AFF1: variants seen among roughly 807,000 people sequenced by gnomAD.
The protein encoded by AFF1 is AF4/FMR2 family member 1.
AFF1 carries 48 observed loss-of-function variants against 121.7 expected under a neutral mutation model. The ratio of observed to expected loss-of-function variants is 0.39; its 90% confidence interval spans 0.31 to 0.50. The LOEUF (loss-of-function observed/expected upper bound fraction) is 0.50, where lower values mean the gene tolerates loss of function less well. Among genes scored for constraint, AFF1 ranks in the 20% least tolerant of loss-of-function variants. AFF1 has a pLI of 0.76. For synonymous variants in AFF1, 613 were observed against 563.0 expected, an observed-to-expected ratio of 1.09 and a Z score of -1.26; for missense variants, 1,523 against 1,511.7, an observed-to-expected ratio of 1.01 and a Z score of -0.12.
intron 5 of AFF1, among the ~76,000 whole-genome samples, chr4:87,084,372 C>G (rs977068265): frequency 1.3e-4 from 20 of 151,948 alleles, no homozygotes; most frequent in African/African-American, 4.8e-4. Context: ...AACCCCGTAT[C>G]TACTAAGAAA....
intron 2 of AFF1, among the ~76,000 whole-genome samples, chr4:86,983,382 C>T (rs952370161): frequency 6.6e-6 from 1 of 151,946 alleles, no homozygotes; most frequent in Non-Finnish European, 1.5e-5. Context: ...TAAAATCAGC[C>T]GGGCATGGTG....
chr4:86,993,435 C>A (rs1724883939), intron 2 of AFF1, among the ~76,000 whole-genome samples: 1 of 152,092 alleles, frequency 6.6e-6, no homozygotes, highest in South Asian at 2.1e-4. Flanking sequence ...AAATCCTTCC[C>A]CTTTCCTGAT....
At chr4:86,950,436 C>G (rs1021883449) in intron 2 of AFF1, among the ~76,000 whole-genome samples, 1 of 152,238 alleles carries the variant, frequency 6.6e-6, no homozygotes, top group East Asian at 1.9e-4. Flanking sequence ...TCCCAAAGTG[C>G]TGGGATTACA....
Position 87,137,552 on chromosome 4 carries a change from TATCTG to T in AFF1, c.*1853_*1857del, listed in dbSNP as rs1314694713. On this transcript the variant is annotated 3_prime_UTR_variant, in exon 21 of 21. Transcript: ENST00000395146. ...AGCCAGAGAATGACAGCTGTAGTCATATCTGAGCATAAGACCTTGATGTGTGATTC... is the reference window on the plus strand; with the variant it reads ...AGCCAGAGAATGACAGCTGTAGTCATAGCATAAGACCTTGATGTGTGATTC... The T allele has an allele frequency of 2.2e-5, 5 of 230,640 alleles. No individual in the cohort carries two copies. The highest frequency in any genetic ancestry group is 1.1e-4 in the Admixed American group (2 of 17,700). 14.3% of individuals were successfully genotyped at this position (230,640 alleles called of 1,614,324 possible). A position where few individuals can be genotyped will look rare whatever the true frequency, so the allele number is the denominator to read the frequency against.
chr4:87,104,109 G>C (rs1375646996), intron 8 of AFF1, among the ~76,000 whole-genome samples: 2 of 152,100 alleles, frequency 1.3e-5, no homozygotes, highest in South Asian at 4.1e-4. Flanking sequence ...TTCTAGCCTT[G>C]AAAAAATATG....
intron 10 of AFF1, among the ~76,000 whole-genome samples, chr4:87,106,109 G>A (rs1234812645): frequency 2.6e-5 from 4 of 152,182 alleles, no homozygotes; most frequent in South Asian, 2.1e-4. Context: ...CAGGCTGGGC[G>A]TGCTAGCTCA....
intron 2 of AFF1, among the ~76,000 whole-genome samples, chr4:87,026,158 C>T (rs751970215): frequency 2.0e-5 from 3 of 150,406 alleles, no homozygotes; most frequent in Non-Finnish European, 3.0e-5. Context: ...TGAGCTGACA[C>T]CATGCCATTG....
intron 2 of AFF1, among the ~76,000 whole-genome samples, chr4:87,025,985 A>G (rs1190561844): frequency 6.6e-6 from 1 of 151,324 alleles, no homozygotes; most frequent in African/African-American, 2.4e-5. Flanking sequence ...TAGTGAGTAA[A>G]TGATTTACCC....
intron 4 of AFF1, among the ~76,000 whole-genome samples, chr4:87,073,530 C>CG (rs1407772935): frequency 1.3e-5 from 2 of 151,790 alleles, no homozygotes; most frequent in African/African-American, 4.8e-5. Context: ...TTTTAAATAA[C>CG]GATGCCAGGA....
Position 87,105,793 on chromosome 4 carries a change from A to G in AFF1, c.1339-15A>G, listed in dbSNP as rs373336104. 8.1e-6 allele frequency: 13 copies of G among 1,613,776 alleles called. No homozygotes were observed. In the African/African-American group the frequency reaches 1.5e-4, roughly 18 times the overall value. On this transcript the variant is annotated splice_polypyrimidine_tract_variant and intron_variant, in intron 9 of 20. Transcript: ENST00000395146. ...TCTTTTCCTGGTCTTTCTTCCCCTT[A>G]TTGTGAATGCCTAGACCCCAGAGAA...
chr4:87,098,986 TTA>T (rs1725149775), intron 8 of AFF1, among the ~76,000 whole-genome samples: 1 of 152,232 alleles, frequency 6.6e-6, no homozygotes, highest in African/African-American at 2.4e-5. Context: ...CTCATTCTGT[TTA>T]TTGTAATATA....
rs376882953 is a variant in AFF1 at position 87,047,196 on chromosome 4, A to C, written c.661A>C (p.Ile221Leu). Residue 221 changes from isoleucine to leucine, a missense_variant, in exon 4 of 21, where the codon ATA becomes CTA. Around this residue, in one of 5 missense-constraint regions of AFF1, gnomAD observed 369 missense variants for 367.2 expected, o/e 1.00. Coordinates refer to ENST00000395146, the MANE Select transcript of AFF1 (RefSeq NM_001166693.3). The stretch of plus-strand genomic sequence containing the variant: ...TTCCCCAGTTCCCCCTTTGTCACCT[A>C]TACATTCCAACCAGCAAACTCTTCC... ...LPSPVPPLSP[I>L]HSNQQTLPRT... 2 of 1,614,130 alleles carry C rather than the reference A, an allele frequency of 1.2e-6. No individual in the cohort carries two copies. Among genetic ancestry groups the C allele is most frequent in the Admixed American group, 3.3e-5 (2 of 60,016 alleles).
intron 2 of AFF1, among the ~76,000 whole-genome samples, chr4:86,964,475 G>A (rs2149471955): frequency 7.6e-6 from 1 of 131,020 alleles, no homozygotes; most frequent in Non-Finnish European, 1.6e-5. Flanking sequence ...CACTCTTGTT[G>A]CCCAGGCTGG....
intron 2 of AFF1, among the ~76,000 whole-genome samples, chr4:87,007,676 T>A (rs1726305469): frequency 6.6e-6 from 1 of 152,100 alleles, no homozygotes; most frequent in Non-Finnish European, 1.5e-5. Context: ...GCCCCCTTCT[T>A]CCCCCAGAAC....
chr4:87,055,772 A>T (rs1348939140), intron 4 of AFF1, among the ~76,000 whole-genome samples: 1 of 152,300 alleles, frequency 6.6e-6, no homozygotes, highest in East Asian at 1.9e-4. Context: ...AACACTCATG[A>T]GATATTTAAA....
intron 2 of AFF1, among the ~76,000 whole-genome samples, chr4:87,045,715 T>C (rs1730619642): frequency 6.6e-6 from 1 of 152,204 alleles, no homozygotes; most frequent in Admixed American, 6.5e-5. Flanking sequence ...AGCCTTTTGA[T>C]TTTAATCTTT....
At chr4:87,059,812 G>GTA (rs1720546934) in intron 4 of AFF1, among the ~76,000 whole-genome samples, 1 of 152,116 alleles carries the variant, frequency 6.6e-6, no homozygotes, top group Admixed American at 6.5e-5. Flanking sequence ...TTCTCCCTTG[G>GTA]TATCATCCTG....
chr4:86,937,278 A>T (rs1720078153), intron 1 of AFF1, among the ~76,000 whole-genome samples: 1 of 152,244 alleles, frequency 6.6e-6, no homozygotes, highest in Non-Finnish European at 1.5e-5. Flanking sequence ...GAATACAAAG[A>T]TCATTTAGAG....
chr4:87,090,099 G>GC, intron 6 of AFF1, 29 bp downstream of exon 6: 2 of 1,554,766 alleles, frequency 1.3e-6, no homozygotes, highest in Non-Finnish European at 1.8e-6. Flanking sequence ...GGCAGGCATT[G>GC]CATCCACCTT....
Sources: gnomAD v4.1 joint callset for allele counts (sites outside exome capture counted in the v4.1 genomes callset) on GRCh38, gnomAD v4.1.1 for gene constraint, gnomAD v4.1.1 regional missense constraint, MANE v1.5 for transcripts, NCBI Gene and HGNC (gene_info 2026-07-23, HGNC 2026-07-21) for gene names.